C1D: variants seen among roughly 807,000 people sequenced by gnomAD.
C1D encodes the protein C1D nuclear receptor corepressor, also known as nuclear nucleic acid-binding protein C1D.
A neutral mutation model predicts 17.5 loss-of-function variants in C1D; 10 were observed. The ratio of observed to expected loss-of-function variants is 0.57; its 90% CI spans 0.35 to 0.97. The LOEUF (loss-of-function observed/expected upper bound fraction) is 0.97. Among genes scored for constraint, C1D ranks in the 50% least tolerant of loss-of-function variants. C1D has a pLI of 0.01. For synonymous variants in C1D, 49 were observed against 54.0 expected, an observed-to-expected ratio of 0.91 and a Z score of 0.40; for missense variants, 136 against 160.1, an observed-to-expected ratio of 0.85 and a Z score of 0.81.
At chr2:68,062,350 G>A (rs1234050606) in intron 1 of C1D, among the ~76,000 whole-genome samples, 2 of 152,180 alleles carry the variant, frequency 1.3e-5, no homozygotes, top group Non-Finnish European at 2.9e-5. Flanking sequence ...AAACATTGAG[G>A]ACATTAAAGC....
chr2:68,060,275 G>C (rs574675289), intron 1 of C1D, among the ~76,000 whole-genome samples: 17 of 152,258 alleles, frequency 1.1e-4, no homozygotes, highest in African/African-American at 3.9e-4. Context: ...TCCGTGATTA[G>C]TCTCCTGGTT....
chr2:68,054,969 CTTTT>C (rs142398518), intron 1 of C1D, among the ~76,000 whole-genome samples: 1 of 131,148 alleles, frequency 7.6e-6, no homozygotes, highest in African/African-American at 3.3e-5. Flanking sequence ...CACATCCTTT[CTTTT>C]TTTTTTAAAA....
intron 4 of C1D, among the ~76,000 whole-genome samples, chr2:68,044,124 T>G (rs1417718972): frequency 6.6e-6 from 1 of 152,210 alleles, no homozygotes; most frequent in Admixed American, 6.5e-5. Flanking sequence ...CAGTCCCCCT[T>G]ACCCTACTCT....
intron 1 of C1D, among the ~76,000 whole-genome samples, chr2:68,058,538 T>C (rs975788635): frequency 2.6e-5 from 4 of 152,156 alleles, no homozygotes; most frequent in Admixed American, 6.5e-5. Flanking sequence ...ACTTTACAGA[T>C]GGCACAACAG....
At chr2:68,045,356 T>C (rs1157627446) in intron 4 of C1D, among the ~76,000 whole-genome samples, 3 of 152,208 alleles carry the variant, frequency 2.0e-5, no homozygotes, top group South Asian at 2.1e-4. Context: ...ATTTCTAATT[T>C]TTCTCTTCAA....
intron 1 of C1D, among the ~76,000 whole-genome samples, chr2:68,048,207 G>C (rs1251330854): frequency 6.6e-6 from 1 of 152,122 alleles, no homozygotes; most frequent in African/African-American, 2.4e-5. Flanking sequence ...CTATATCAAT[G>C]TATTATTAAA....
chr2:68,049,196 C>CA (rs372795126), intron 1 of C1D, among the ~76,000 whole-genome samples: 3,195 of 92,368 alleles, frequency 0.035, 45 homozygotes, highest in Admixed American at 0.04. Flanking sequence ...GACTGTCTCT[C>CA]AAAAAAAAAA....
At position 68,041,484 on chromosome 2, in the gene C1D, G is replaced by A. The variant is rs1293926501; in HGVS notation, c.*1405C>T. 2.0e-5 allele frequency: 3 copies of A among 151,882 alleles called. No individual in the cohort carries two copies. Among genetic ancestry groups the A allele is most frequent in the African/African-American group, 4.8e-5 (2 of 41,412 alleles). The allele number at this position is 151,882 out of a possible 1,614,324, so 9.4% of individuals were successfully genotyped here. A position where few individuals can be genotyped will look rare whatever the true frequency, so the allele number is the denominator to read the frequency against. ...CATGAAGAGGTTATTTTTAAAAATA[G>A]CTAGAAATTTGGAGACAAAGGCAAA... On this transcript the variant is annotated 3_prime_UTR_variant, in exon 5 of 5. Coordinates refer to ENST00000410067, the MANE Select transcript of C1D (RefSeq NM_173177.3).
chr2:68,060,655 A>C (rs994965539), intron 1 of C1D, among the ~76,000 whole-genome samples: 3 of 139,878 alleles, frequency 2.1e-5, no homozygotes, highest in Non-Finnish European at 4.7e-5. Flanking sequence ...AAGAGGGGCG[A>C]GATGGGGTGG....
intron 1 of C1D, among the ~76,000 whole-genome samples, chr2:68,057,746 G>A (rs2103815223): frequency 6.6e-6 from 1 of 152,172 alleles, no homozygotes; most frequent in South Asian, 2.1e-4. Flanking sequence ...AGATAAAAAT[G>A]TCATTTCCCC....
chr2:68,042,683 T>C lies in C1D; in HGVS notation c.*206A>G, dbSNP rs1265915247. On this transcript the variant is annotated 3_prime_UTR_variant, in exon 5 of 5. Coordinates refer to ENST00000410067, the MANE Select transcript of C1D (RefSeq NM_173177.3). ...GAGATGGTAAATTATAAATATATAA[T>C]ATATCACAATGTTAAAATCCTCAGT... 2 of 364,812 alleles carry C rather than the reference T, an allele frequency of 5.5e-6. No homozygotes were observed. Among genetic ancestry groups the C allele is most frequent in the Non-Finnish European group, 1.0e-5 (2 of 191,276 alleles). 22.6% of individuals were successfully genotyped at this position (364,812 alleles called of 1,614,324 possible).
At chr2:68,045,837 A>G (rs1671103086) in intron 4 of C1D, 151 bp downstream of exon 4, 1 of 544,944 alleles carries the variant, frequency 1.8e-6, no homozygotes, top group Non-Finnish European at 3.2e-6. Context: ...AAAAGGTAAG[A>G]GAAAAAAAAA....
intron 1 of C1D, among the ~76,000 whole-genome samples, chr2:68,054,478 A>C (rs1422453024): frequency 1.3e-5 from 2 of 152,198 alleles, no homozygotes; most frequent in Admixed American, 6.5e-5. Context: ...TTTTGGAAGG[A>C]AAACCTCAGC....
At chr2:68,054,793 T>TA (rs201560971) in intron 1 of C1D, among the ~76,000 whole-genome samples, 8,401 of 140,628 alleles carry the variant, frequency 0.06, 579 homozygotes, top group East Asian at 0.21. Flanking sequence ...GACCCATCTC[T>TA]AAAAAAAAAA....
At chr2:68,049,065 C>T (rs563311753) in intron 1 of C1D, among the ~76,000 whole-genome samples, 200 of 152,024 alleles carry the variant, frequency 1.3e-3, no homozygotes, top group Admixed American at 2.9e-3. Flanking sequence ...GGCGTGGTGG[C>T]GCACGCCTGT....
At chr2:68,045,076 C>T (rs1172221494) in intron 4 of C1D, among the ~76,000 whole-genome samples, 1 of 151,956 alleles carries the variant, frequency 6.6e-6, no homozygotes, top group Admixed American at 6.6e-5. Context: ...TTTTCCCCCC[C>T]AAGAACTTCA....
At chr2:68,050,891 T>C (rs1469541418) in intron 1 of C1D, among the ~76,000 whole-genome samples, 2 of 152,206 alleles carry the variant, frequency 1.3e-5, no homozygotes, top group Non-Finnish European at 1.5e-5. Flanking sequence ...ACTGCAGTTT[T>C]CATCATTTCA....
chr2:68,050,413 T>C (rs1056703884), intron 1 of C1D, among the ~76,000 whole-genome samples: 6 of 152,112 alleles, frequency 3.9e-5, no homozygotes, highest in Admixed American at 3.3e-4. Context: ...CTCTAATTCC[T>C]TTCCTTCCAT....
intron 1 of C1D, among the ~76,000 whole-genome samples, chr2:68,058,994 C>T (rs1427610239): frequency 6.6e-6 from 1 of 152,140 alleles, no homozygotes; most frequent in African/African-American, 2.4e-5. Flanking sequence ...TACCCGTGTT[C>T]CTCCGTTTTG....
Sources: gnomAD v4.1 joint callset for allele counts (sites outside exome capture counted in the v4.1 genomes callset) on GRCh38, gnomAD v4.1.1 for gene constraint, MANE v1.5 for transcripts, NCBI Gene and HGNC (gene_info 2026-07-23, HGNC 2026-07-21) for gene names.